DDX39A: variants seen among roughly 807,000 people sequenced by gnomAD.
DDX39A encodes ATP-dependent RNA helicase DDX39A.
A neutral mutation model predicts 46.3 loss-of-function variants in DDX39A; 13 were observed. The ratio of observed to expected loss-of-function variants is 0.28; its 90% CI spans 0.18 to 0.45. The LOEUF is 0.45. Among genes scored for constraint, DDX39A ranks in the 20% least tolerant of loss-of-function variants. DDX39A has a pLI of 1.00. For missense variants in DDX39A, 352 were observed against 581.8 expected (o/e 0.61, Z 4.06); for synonymous variants, 234 against 224.6 (o/e 1.04, Z -0.38).
intron 1 of DDX39A, among the ~76,000 whole-genome samples, chr19:14,415,176 C>T (rs1976759157): frequency 6.6e-6 from 1 of 152,150 alleles, no homozygotes; most frequent in African/African-American, 2.4e-5. Context: ...CTTTCTGTTT[C>T]TATGGATTTG....
At chr19:14,413,256 T>C (rs374267241) in intron 1 of DDX39A, 32 bp from the exon 2 acceptor site, 75 of 1,588,318 alleles carry the variant, frequency 4.7e-5, no homozygotes, top group Admixed American at 1.9e-4. Context: ...GTCCCGCGAG[T>C]GGGCACAGAA....
At chr19:14,417,419 G>C (rs969681058) in intron 1 of DDX39A, among the ~76,000 whole-genome samples, 3 of 143,064 alleles carry the variant, frequency 2.1e-5, no homozygotes, top group Non-Finnish European at 3.0e-5. Context: ...CCAGGAGTTC[G>C]AGACCAACCT....
At chr19:14,414,202 A>C (rs558055297) in intron 1 of DDX39A, among the ~76,000 whole-genome samples, 1 of 151,906 alleles carries the variant, frequency 6.6e-6, no homozygotes, top group Non-Finnish European at 1.5e-5. Context: ...CAGCAATTCC[A>C]TTGTCTCAAT....
Position 14,409,605 on chromosome 19 carries a change from AG to A in DDX39A, c.904del (p.Leu302TrpfsTer84). 1 of 1,612,086 alleles carries A rather than the reference AG, an allele frequency of 6.2e-7. No homozygotes were observed. The highest frequency in any genetic ancestry group is 8.5e-7 in the Non-Finnish European group (1 of 1,179,418). Reference sequence around the variant, plus strand: ...GTTCTGCTCCACGAGGAGCTGGGCCAGGGCCATGCAGCGCTGCACTGACTTG... The same window carrying A: ...GTTCTGCTCCACGAGGAGCTGGGCCAGGCCATGCAGCGCTGCACTGACTTG... ...FVKSVQRCMA[L>X]AQLLVEQNFP... On this transcript the variant is annotated frameshift_variant, in exon 8 of 11. Transcript: ENST00000242776. LOFTEE classifies it high-confidence loss of function. This position sits in a 1 kb window ranked among gnomAD's most constrained non-coding sequence, Gnocchi z 8.3.
At position 14,410,729 on chromosome 19, in the gene DDX39A, G is replaced by T; in HGVS notation, c.613+260C>A. ...GGGCCTGGAACCAACCCAACAGGTG[G>T]CAGAAGCCTCATACTCCCAGAGGTA... On this transcript the variant is annotated intron_variant, in intron 5 of 10. Transcript: ENST00000242776. This position sits in a 1 kb window ranked among gnomAD's most constrained non-coding sequence, Gnocchi z 4.3. The T allele has an allele frequency of 1.1e-5, 6 of 525,404 alleles. No homozygotes were observed. In the South Asian group the frequency reaches 1.4e-4, roughly 13 times the overall value. The allele number at this position is 525,404 out of a possible 1,614,324, so 32.5% of individuals were successfully genotyped here.
At position 14,412,873 on chromosome 19, in the gene DDX39A, C is replaced by A; in HGVS notation, c.208+140G>T. On this transcript the variant is annotated intron_variant, in intron 2 of 10. Coordinates refer to ENST00000242776, the MANE Select transcript of DDX39A (RefSeq NM_005804.4). The surrounding 1 kb of genome is among the most constrained non-coding windows in gnomAD (Gnocchi z 4.4). Reference sequence around the variant, plus strand: ...CACTGCCGAGGGCAGCCACAGGCCCCGCTGGGCACAACTGATCCGCGGGAC... The same window carrying A: ...CACTGCCGAGGGCAGCCACAGGCCCAGCTGGGCACAACTGATCCGCGGGAC... 1.6e-6 allele frequency: 2 copies of A among 1,268,026 alleles called. No individual in the cohort carries two copies. Among genetic ancestry groups the A allele is most frequent in the South Asian group, 1.5e-5 (1 of 68,878 alleles). 78.5% of individuals were successfully genotyped at this position (1,268,026 alleles called of 1,614,324 possible).
At chr19:14,418,624 AT>A (rs533981451) in intron 1 of DDX39A, among the ~76,000 whole-genome samples, 6,629 of 150,410 alleles carry the variant, frequency 0.044, 498 homozygotes, top group African/African-American at 0.15. Context: ...CGCTCGGCTG[AT>A]TTTTTTTTGT....
Position 14,410,060 on chromosome 19 carries a change from G to A in DDX39A, c.732+156C>T, listed in dbSNP as rs1599642360. 5.8e-6 allele frequency: 6 copies of A among 1,035,048 alleles called. No individual in the cohort carries two copies. In the East Asian group the frequency reaches 9.5e-5, roughly 16 times the overall value. 64.1% of individuals were successfully genotyped at this position (1,035,048 alleles called of 1,614,324 possible). On this transcript the variant is annotated intron_variant, in intron 6 of 10. Coordinates refer to ENST00000242776, the MANE Select transcript of DDX39A (RefSeq NM_005804.4). The surrounding 1 kb of genome is among the most constrained non-coding windows in gnomAD (Gnocchi z 4.3). ...CCCGACTCAGGTGTGGACCAAGCTT[G>A]ACTCCCAGTTTGACAAGACCGAGGG...
chr19:14,411,640 T>G lies in DDX39A; in HGVS notation c.337-42A>C. On this transcript the variant is annotated intron_variant, in intron 3 of 10. Coordinates refer to ENST00000242776, the MANE Select transcript of DDX39A (RefSeq NM_005804.4). This position sits in a 1 kb window ranked among gnomAD's most constrained non-coding sequence, Gnocchi z 4.1. ...GAAGAGGGCCTTACCTTAGGCAGTG[T>G]CCTAAACCCCTTCCCCACCAGAGTC... 6.4e-7 allele frequency: 1 copy of G among 1,568,380 alleles called. No homozygotes were observed. The highest frequency in any genetic ancestry group is 1.1e-5 in the South Asian group (1 of 89,768).
At chr19:14,418,768 TAA>T (rs796438555) in intron 1 of DDX39A, among the ~76,000 whole-genome samples, 66 of 152,124 alleles carry the variant, frequency 4.3e-4, no homozygotes, top group African/African-American at 1.6e-3. Flanking sequence ...CCTTCCAAAA[TAA>T]AGTCTTATTT....
chr19:14,412,782 C>T lies in DDX39A; in HGVS notation c.209-104G>A, dbSNP rs747460861. On this transcript the variant is annotated intron_variant, in intron 2 of 10. Coordinates refer to ENST00000242776, the MANE Select transcript of DDX39A (RefSeq NM_005804.4). This position sits in a 1 kb window ranked among gnomAD's most constrained non-coding sequence, Gnocchi z 4.4. ...CACAGTGAGGGCAATCAGAAGAGGC[C>T]GAGTCCGGACAAGGCCACAGACACC... 2.0e-5 allele frequency: 30 copies of T among 1,471,114 alleles called. No homozygotes were observed. The highest frequency in any genetic ancestry group is 1.8e-4 in the Middle Eastern group (1 of 5,576). 91.1% of individuals were successfully genotyped at this position (1,471,114 alleles called of 1,614,324 possible). A position where few individuals can be genotyped will look rare whatever the true frequency, so the allele number is the denominator to read the frequency against.
At chr19:14,416,690 GT>G (rs1453602172) in intron 1 of DDX39A, among the ~76,000 whole-genome samples, 1 of 152,044 alleles carries the variant, frequency 6.6e-6, no homozygotes, top group African/African-American at 2.4e-5. Flanking sequence ...TTGTTTGTTT[GT>G]TTTTTTGTTT....
intron 1 of DDX39A, among the ~76,000 whole-genome samples, chr19:14,413,704 C>T (rs544188929): frequency 4.6e-4 from 70 of 152,200 alleles, no homozygotes; most frequent in Non-Finnish European, 8.7e-4. Context: ...GACTACTCAG[C>T]CCAGAGAAGC....
rs770939405 is a variant in DDX39A, at chr19:14,410,326, G to A, written c.622C>T (p.Arg208Trp). ...DKMLEQLDMR[R>W]DVQEIFRLTP... is the part of the protein sequence containing the mutation. Reference sequence around the variant, plus strand: ...AGGCGGAAGATCTCCTGCACATCCCGCCGCATGTCTAGGTGGGGAGGGCAA... The same window carrying A: ...AGGCGGAAGATCTCCTGCACATCCCACCGCATGTCTAGGTGGGGAGGGCAA... The change falls in exon 6 of 11, where the codon CGG becomes TGG. Residue 208 changes from arginine (R) to tryptophan (W), a missense_variant. By Grantham distance (101) the Arg-to-Trp change is moderately radical. Coordinates refer to ENST00000242776, the MANE Select transcript of DDX39A (RefSeq NM_005804.4). The surrounding 1 kb of genome is among the most constrained non-coding windows in gnomAD (Gnocchi z 4.3). 13 of 1,613,746 alleles carry A rather than the reference G, an allele frequency of 8.1e-6. No individual in the cohort carries two copies. Among genetic ancestry groups the A allele is most frequent in the African/African-American group, 5.3e-5 (4 of 74,912 alleles).
chr19:14,411,129 T>G lies in DDX39A; in HGVS notation c.473A>C (p.Glu158Ala). The change falls in exon 5 of 11, where the codon GAA becomes GCA. Residue 158 changes from glutamate (E) to alanine (A), a missense_variant. Glu to Ala is a moderately radical substitution (Grantham distance 107, BLOSUM62 -1). Around this residue, in one of 3 missense-constraint regions of DDX39A, gnomAD observed 301 missense variants for 469.9 expected, o/e 0.64. Transcript: ENST00000242776. This position sits in a 1 kb window ranked among gnomAD's most constrained non-coding sequence, Gnocchi z 4.1. ...FGGLSIKKDE[E>A]VLKKNCPHVV... ...ATGGGGACAGTTCTTCTTCAACACT[T>G]CTTCATCCTTCTTGATGGAGAGACC... The G allele has an allele frequency of 6.2e-7, 1 of 1,603,398 alleles. No homozygotes were observed. Among genetic ancestry groups the G allele is most frequent in the African/African-American group, 1.3e-5 (1 of 74,242 alleles).
Position 14,409,948 on chromosome 19 carries a change from G to T in DDX39A, c.733-75C>A. Reference sequence around the variant, plus strand: ...TCTCGCCTGCCCAGAACCTTCCAGTGGGCGACTCCTTTGTGCGACACTTCC... The same window carrying T: ...TCTCGCCTGCCCAGAACCTTCCAGTTGGCGACTCCTTTGTGCGACACTTCC... On this transcript the variant is annotated intron_variant, in intron 6 of 10. Transcript: ENST00000242776. The surrounding 1 kb of genome is among the most constrained non-coding windows in gnomAD (Gnocchi z 8.3). The T allele has an allele frequency of 6.4e-7, 1 of 1,570,568 alleles. No individual in the cohort carries two copies. Among genetic ancestry groups the T allele is most frequent in the Non-Finnish European group, 8.7e-7 (1 of 1,147,670 alleles).
Position 14,409,903 on chromosome 19 carries a change from G to A in DDX39A, c.733-30C>T, listed in dbSNP as rs1168691689. 3.7e-6 allele frequency: 6 copies of A among 1,611,962 alleles called. No individual in the cohort carries two copies. The highest frequency in any genetic ancestry group is 1.1e-5 in the South Asian group (1 of 91,026). ...GTGGGAAGGGAGGTGGGAGGGGCGG[G>A]CAGGGATCACCTCTGGGCATCTCGC... is the stretch of plus-strand genomic sequence containing the variant. On this transcript the variant is annotated intron_variant, in intron 6 of 10. Transcript: ENST00000242776. The surrounding 1 kb of genome is among the most constrained non-coding windows in gnomAD (Gnocchi z 8.3).
chr19:14,417,822 C>T (rs1316840690), intron 1 of DDX39A, among the ~76,000 whole-genome samples: 2 of 152,068 alleles, frequency 1.3e-5, no homozygotes, highest in African/African-American at 4.8e-5. Flanking sequence ...GGCGCCATGG[C>T]ATTCCAGCCT....
intron 1 of DDX39A, among the ~76,000 whole-genome samples, chr19:14,415,312 C>T (rs577295799): frequency 3.3e-5 from 5 of 151,706 alleles, no homozygotes; most frequent in Non-Finnish European, 7.4e-5. Context: ...TTTTTCCCCC[C>T]TCTTTGAGAC....
Sources: allele counts gnomAD v4.1 joint callset (sites outside exome capture counted in the v4.1 genomes callset), GRCh38; gene constraint gnomAD v4.1.1; regional missense constraint gnomAD v4.1.1; non-coding constraint Gnocchi (gnomAD v3.1); transcripts MANE v1.5; gene names NCBI Gene and HGNC (gene_info 2026-07-23, HGNC 2026-07-21).